SUMF1: variants seen among roughly 807,000 people sequenced by gnomAD.
SUMF1 encodes the protein formylglycine-generating enzyme.
SUMF1 carries 48 observed loss-of-function variants against 47.6 expected under a neutral mutation model. That is an observed-to-expected ratio of 1.01 (90% confidence interval 0.80 to 1.28). The LOEUF (loss-of-function observed/expected upper bound fraction) is 1.28. Among genes scored for constraint, SUMF1 ranks in the 50% most tolerant of loss-of-function variants. The pLI is 0.00. For missense variants in SUMF1, 571 were observed against 485.4 expected (o/e 1.18, Z -1.66); for synonymous variants, 230 against 192.1 (o/e 1.20, Z -1.63).
At chr3:4,102,050 C>G (rs887071408) in intron 8 of SUMF1, among the ~76,000 whole-genome samples, 1 of 152,136 alleles carries the variant, frequency 6.6e-6, no homozygotes, top group Non-Finnish European at 1.5e-5. Context: ...ACCAAGAGAA[C>G]AGCACCATGG....
intron 8 of SUMF1, among the ~76,000 whole-genome samples, chr3:4,286,139 C>A (rs147586308): frequency 4.6e-5 from 7 of 152,012 alleles, no homozygotes; most frequent in African/African-American, 1.7e-4. Flanking sequence ...TTAGTTTTTT[C>A]TCTGGTTTTT....
intron 8 of SUMF1, among the ~76,000 whole-genome samples, chr3:4,282,985 A>C (rs1697559246): frequency 6.6e-6 from 1 of 152,210 alleles, no homozygotes; most frequent in Non-Finnish European, 1.5e-5. Context: ...CTCTGAGAAC[A>C]AAATGAATTA....
chr3:4,059,925 G>A (rs1162251150), intron 9 of SUMF1, among the ~76,000 whole-genome samples: 1 of 152,070 alleles, frequency 6.6e-6, no homozygotes, highest in Admixed American at 6.6e-5. Context: ...TATATGCAAA[G>A]GTCCTGTAGC....
At chr3:4,305,365 C>T (rs1328855106) in intron 8 of SUMF1, among the ~76,000 whole-genome samples, 3 of 152,160 alleles carry the variant, frequency 2.0e-5, no homozygotes, top group Admixed American at 6.5e-5. Flanking sequence ...GGATTACAGA[C>T]GTGAGCCACC....
chr3:4,112,184 G>A (rs1029947202), intron 8 of SUMF1, among the ~76,000 whole-genome samples: 1 of 152,062 alleles, frequency 6.6e-6, no homozygotes, highest in South Asian at 2.1e-4. Context: ...TGCACTTCAA[G>A]CAAGCAAAGA....
chr3:4,409,095 T>C (rs1281706939), intron 7 of SUMF1, among the ~76,000 whole-genome samples: 2 of 152,190 alleles, frequency 1.3e-5, no homozygotes, highest in Non-Finnish European at 2.9e-5. Flanking sequence ...GCTCTCTATA[T>C]AGATCAGTCT....
intron 9 of SUMF1, among the ~76,000 whole-genome samples, chr3:4,058,861 G>A (rs1412679525): frequency 6.6e-6 from 1 of 152,094 alleles, no homozygotes. Context: ...TTAGTTAATA[G>A]CTTTTATAGT....
intron 8 of SUMF1, among the ~76,000 whole-genome samples, chr3:4,351,259 G>A (rs1440332440): frequency 6.6e-6 from 1 of 152,190 alleles, no homozygotes; most frequent in East Asian, 1.9e-4. Context: ...TTTTACAAAT[G>A]TTCTGGAACA....
intron 8 of SUMF1, among the ~76,000 whole-genome samples, chr3:4,227,774 T>C (rs1326276020): frequency 2.0e-5 from 3 of 152,138 alleles, no homozygotes; most frequent in African/African-American, 7.2e-5. Context: ...GCAGGAGGCA[T>C]TGCTTTTAGT....
chr3:4,343,546 G>A (rs1051848210), intron 8 of SUMF1, among the ~76,000 whole-genome samples: 8 of 152,230 alleles, frequency 5.3e-5, no homozygotes, highest in Admixed American at 3.9e-4. Flanking sequence ...CTAGAACTCA[G>A]GCCAGATGAA....
intron 8 of SUMF1, among the ~76,000 whole-genome samples, chr3:4,090,517 T>C (rs1379012068): frequency 6.6e-6 from 1 of 152,058 alleles, no homozygotes; most frequent in Non-Finnish European, 1.5e-5. Flanking sequence ...ATTAAGCAGG[T>C]TGGAAAAGAA....
At chr3:4,392,461 C>A (rs1267102222) in intron 7 of SUMF1, among the ~76,000 whole-genome samples, 1 of 151,774 alleles carries the variant, frequency 6.6e-6, no homozygotes, top group Non-Finnish European at 1.5e-5. Context: ...ATGGGTCACA[C>A]TTTCTTGTTA....
At chr3:4,427,196 AG>A (rs1405432957) in intron 3 of SUMF1, among the ~76,000 whole-genome samples, 2 of 152,280 alleles carry the variant, frequency 1.3e-5, no homozygotes, top group African/African-American at 4.8e-5. Flanking sequence ...AAAGATGTCA[AG>A]TGCACAACTT....
intron 8 of SUMF1, among the ~76,000 whole-genome samples, chr3:4,082,260 G>A (rs1692576825): frequency 6.6e-6 from 1 of 151,956 alleles, no homozygotes; most frequent in Non-Finnish European, 1.5e-5. Context: ...TTGAGCTCAG[G>A]CGTTTGAGAC....
chr3:4,443,888 G>C (rs1262219355), intron 3 of SUMF1, among the ~76,000 whole-genome samples: 1 of 151,830 alleles, frequency 6.6e-6, no homozygotes, highest in Admixed American at 6.6e-5. Context: ...TAAAACAAAA[G>C]GACACACAAA....
At chr3:4,198,880 A>G (rs2125150336) in intron 8 of SUMF1, among the ~76,000 whole-genome samples, 1 of 152,288 alleles carries the variant, frequency 6.6e-6, no homozygotes, top group African/African-American at 2.4e-5. Context: ...AAAAAAAAAG[A>G]GTCTACTCAC....
intron 8 of SUMF1, among the ~76,000 whole-genome samples, chr3:4,087,768 A>C (rs1168166770): frequency 2.0e-5 from 3 of 152,110 alleles, no homozygotes; most frequent in Non-Finnish European, 4.4e-5. Flanking sequence ...TTTATCTAAT[A>C]AGCATCTTAA....
intron 8 of SUMF1, among the ~76,000 whole-genome samples, chr3:4,221,793 TAATA>T (rs1342661479): frequency 6.6e-6 from 1 of 152,116 alleles, no homozygotes; most frequent in Non-Finnish European, 1.5e-5. Context: ...GAATAAAATG[TAATA>T]TATAGTATAC....
intron 8 of SUMF1, among the ~76,000 whole-genome samples, chr3:4,244,674 T>C (rs1696620088): frequency 6.6e-6 from 1 of 152,330 alleles, no homozygotes; most frequent in South Asian, 2.1e-4. Flanking sequence ...CCTTTCTCTC[T>C]GGCTGCCCTT....
Sources: allele counts gnomAD v4.1 joint callset (sites outside exome capture counted in the v4.1 genomes callset), GRCh38; gene constraint gnomAD v4.1.1; transcripts MANE v1.5; gene names NCBI Gene and HGNC (gene_info 2026-07-23, HGNC 2026-07-21).